The following CPNE6 variants were observed in gnomAD, a reference collection of about 807,000 sequenced individuals.
CPNE6 encodes the protein copine 6.
A neutral mutation model predicts 71.5 loss-of-function variants in CPNE6; 33 were observed. That is an observed-to-expected ratio of 0.46 (90% CI 0.35 to 0.62). The LOEUF (loss-of-function observed/expected upper bound fraction) is 0.62, where lower values mean the gene tolerates loss of function less well. Ranked by LOEUF, CPNE6 falls within the 20% of genes least tolerant of loss-of-function variation. The probability of loss-of-function intolerance (pLI) is 0.00; values close to 1 mark genes in which losing one functional copy is unlikely to be tolerated. For synonymous variants in CPNE6, 296 were observed against 293.0 expected (o/e 1.01, Z -0.10); for missense variants, 576 against 747.3 (o/e 0.77, Z 2.67).
intron 1 of CPNE6, chr14:24,071,045 A>G (rs948866985): frequency 2.0e-6 from 3 of 1,534,948 alleles, no homozygotes; most frequent in Non-Finnish European, 2.6e-6. Flanking sequence ...TTGAGTGAGT[A>G]CATGTGTGAC....
chr14:24,077,712 T>C lies in CPNE6; in HGVS notation c.1656T>C (p.Thr552=). The C allele has an allele frequency of 6.5e-7, 1 of 1,537,178 alleles. No individual in the cohort carries two copies. Among genetic ancestry groups the C allele is most frequent in the Non-Finnish European group, 8.7e-7 (1 of 1,143,438 alleles). The change falls in exon 17 of 18, where the codon ACT becomes ACC. Residue 552 remains threonine, a synonymous_variant. Transcript: ENST00000397016. The surrounding 1 kb of genome is among the most constrained non-coding windows in gnomAD (Gnocchi z 6.1). ...CCAGGCCCTGCACACTGGCTACGAC[T>C]CCCAGCCCTAGCCCGTGACTGCCTC... is the stretch of plus-strand genomic sequence containing the variant.
chr14:24,076,570 A>T lies in CPNE6; in HGVS notation c.1165+13A>T. The stretch of plus-strand genomic sequence containing the variant: ...CCTGAATGTGAAGGTAAAAGGGGAG[A>T]TTTTCACCTGCCCCGCCTCCCCGCA... On this transcript the variant is annotated intron_variant, in intron 14 of 17. Coordinates refer to ENST00000397016, the Ensembl canonical transcript of CPNE6. 6.2e-7 allele frequency: 1 copy of T among 1,613,748 alleles called. No individual in the cohort carries two copies. Among genetic ancestry groups the T allele is most frequent in the Non-Finnish European group, 8.5e-7 (1 of 1,179,950 alleles).
intron 1 of CPNE6, 61 bp from the exon 1 acceptor site, chr14:24,071,501 G>GGGGCCCCC: frequency 4.4e-5 from 62 of 1,416,650 alleles, no homozygotes; most frequent in Non-Finnish European, 5.4e-5. Context: ...CTGGTGCTGC[G>GGGGCCCCC]CCCCCCCCCA....
chr14:24,077,781 C>T lies in CPNE6; in HGVS notation c.*37+14C>T. The T allele has an allele frequency of 6.7e-7, 1 of 1,483,840 alleles. No individual in the cohort carries two copies. Among genetic ancestry groups the T allele is most frequent in the Admixed American group, 2.5e-5 (1 of 39,438 alleles). 91.9% of individuals were successfully genotyped at this position (1,483,840 alleles called of 1,614,324 possible). ...CTCAGCCTCTCAGTGAGTCCTGGGGCTTCCAAAGGAGTGGACACAGGGGGT... is the reference window on the plus strand; with the variant it reads ...CTCAGCCTCTCAGTGAGTCCTGGGGTTTCCAAAGGAGTGGACACAGGGGGT... On this transcript the variant is annotated intron_variant, in intron 17 of 17. Transcript: ENST00000397016. This position sits in a 1 kb window ranked among gnomAD's most constrained non-coding sequence, Gnocchi z 6.1.
chr14:24,075,678 C>A lies in CPNE6; in HGVS notation c.864+87C>A. The A allele has an allele frequency of 1.4e-6, 2 of 1,389,444 alleles. No homozygotes were observed. Among genetic ancestry groups the A allele is most frequent in the Non-Finnish European group, 2.0e-6 (2 of 995,746 alleles). 86.1% of individuals were successfully genotyped at this position (1,389,444 alleles called of 1,614,324 possible). ...TCAACCCTTCCCTTGTTTCAAAGAC[C>A]AGTTTCTCTGCTTCTGGGAACTGGA... is the stretch of plus-strand genomic sequence containing the variant. On this transcript the variant is annotated intron_variant, in intron 10 of 17. Coordinates refer to ENST00000397016, the Ensembl canonical transcript of CPNE6. The surrounding 1 kb of genome is among the most constrained non-coding windows in gnomAD (Gnocchi z 4.3).
rs780498623 is a variant in CPNE6, at chr14:24,073,993, A to G, written c.349-58A>G. On this transcript the variant is annotated intron_variant, in intron 4 of 17. Coordinates refer to ENST00000397016, the Ensembl canonical transcript of CPNE6. This position sits in a 1 kb window ranked among gnomAD's most constrained non-coding sequence, Gnocchi z 5.5. The stretch of plus-strand genomic sequence containing the variant: ...GAGCATTTATTATTCCATCCCTTGT[A>G]CGTGGCCAAGGCAGATGGGGATGTC... The G allele has an allele frequency of 1.7e-4, 246 of 1,427,612 alleles. No homozygotes were observed. The highest frequency in any genetic ancestry group is 2.3e-4 in the Non-Finnish European group (232 of 1,010,048). 88.4% of individuals were successfully genotyped at this position (1,427,612 alleles called of 1,614,324 possible). A position where few individuals can be genotyped will look rare whatever the true frequency, so the allele number is the denominator to read the frequency against.
rs2035981512 is a variant in CPNE6, at chr14:24,074,002, A to C, written c.349-49A>C. On this transcript the variant is annotated intron_variant, in intron 4 of 17. Coordinates refer to ENST00000397016, the Ensembl canonical transcript of CPNE6. This position sits in a 1 kb window ranked among gnomAD's most constrained non-coding sequence, Gnocchi z 4.5. ...TTATTCCATCCCTTGTACGTGGCCA[A>C]GGCAGATGGGGATGTCACAGCTGGG... 2 of 1,513,726 alleles carry C rather than the reference A, an allele frequency of 1.3e-6. No individual in the cohort carries two copies. The highest frequency in any genetic ancestry group is 1.8e-6 in the Non-Finnish European group (2 of 1,088,588). 93.8% of individuals were successfully genotyped at this position (1,513,726 alleles called of 1,614,324 possible). A position where few individuals can be genotyped will look rare whatever the true frequency, so the allele number is the denominator to read the frequency against.
At position 24,073,691 on chromosome 14, in the gene CPNE6, G is replaced by C; in HGVS notation, c.348+13G>C. ...CACCTTGGGCCAGGTCTGCATTCCCGGCCTCCCCGGCTACCCTACCCTACC... is the reference window on the plus strand; with the variant it reads ...CACCTTGGGCCAGGTCTGCATTCCCCGCCTCCCCGGCTACCCTACCCTACC... On this transcript the variant is annotated intron_variant, in intron 4 of 17. Transcript: ENST00000397016. The surrounding 1 kb of genome is among the most constrained non-coding windows in gnomAD (Gnocchi z 5.5). The C allele has an allele frequency of 6.2e-7, 1 of 1,605,990 alleles. No individual in the cohort carries two copies. Among genetic ancestry groups the C allele is most frequent in the South Asian group, 1.1e-5 (1 of 90,262 alleles).
At chr14:24,076,078 T>G (rs1480238906) in intron 11 of CPNE6, 71 bp from the exon 11 acceptor site, 1 of 1,586,356 alleles carries the variant, frequency 6.3e-7, no homozygotes, top group Non-Finnish European at 8.6e-7. Flanking sequence ...TCCCTACAGA[T>G]CCCAGCTCTG....
chr14:24,074,476 C>T lies in CPNE6; in HGVS notation c.499-55C>T. 2 of 1,593,024 alleles carry T rather than the reference C, an allele frequency of 1.3e-6. No individual in the cohort carries two copies. Among genetic ancestry groups the T allele is most frequent in the Admixed American group, 1.7e-5 (1 of 59,942 alleles). ...TCTCTTCCCAGTGGGAGCCCATCCC[C>T]CACCCTCCTTGCAGCTCTCACCAAC... On this transcript the variant is annotated intron_variant, in intron 6 of 17. Transcript: ENST00000397016. The surrounding 1 kb of genome is among the most constrained non-coding windows in gnomAD (Gnocchi z 4.5).
In CPNE6 at chr14:24,075,008, C is replaced by G. The variant is rs1177055123; in HGVS notation, c.673-164C>G. ...GTCCCTAGCAGACTGAGCCAAAGAACAAAGTTCAGCAGGTGGCCTCTCCGG... is the reference window on the plus strand; with the variant it reads ...GTCCCTAGCAGACTGAGCCAAAGAAGAAAGTTCAGCAGGTGGCCTCTCCGG... On this transcript the variant is annotated intron_variant, in intron 8 of 17. Transcript: ENST00000397016. This position sits in a 1 kb window ranked among gnomAD's most constrained non-coding sequence, Gnocchi z 4.3. Among the ~76,000 whole-genome samples the G allele has an allele frequency of 6.6e-6, 1 of 152,164 alleles. No individual in the cohort carries two copies. Among genetic ancestry groups the G allele is most frequent in the Non-Finnish European group, 1.5e-5 (1 of 68,042 alleles).
chr14:24,075,234 T>A lies in CPNE6; in HGVS notation c.735T>A (p.Thr245=). Residue 245 remains threonine, a synonymous_variant, in exon 9 of 18, where the codon ACT becomes ACA. Transcript: ENST00000397016. The surrounding 1 kb of genome is among the most constrained non-coding windows in gnomAD (Gnocchi z 4.3). The stretch of plus-strand genomic sequence containing the variant: ...ACTTCATCGGCGAGTTCACCAGCAC[T>A]TTCCAGGAGATGCAGGAAGGGACGG... 1 of 1,614,088 alleles carries A rather than the reference T, an allele frequency of 6.2e-7. No homozygotes were observed. The highest frequency in any genetic ancestry group is 1.3e-5 in the African/African-American group (1 of 74,992).
At position 24,077,452 on chromosome 14, in the gene CPNE6, A is replaced by T. The variant is rs1437580510; in HGVS notation, c.1536+62A>T. The T allele has an allele frequency of 6.3e-7, 1 of 1,579,086 alleles. No homozygotes were observed. The highest frequency in any genetic ancestry group is 1.4e-5 in the African/African-American group (1 of 74,030). On this transcript the variant is annotated intron_variant, in intron 16 of 17. Transcript: ENST00000397016. This position sits in a 1 kb window ranked among gnomAD's most constrained non-coding sequence, Gnocchi z 6.1. ...TCAGCTTCTCATCCCCCCAAATCTG[A>T]CCTTCGTCTTCCACCATTTGATGTC...
At chr14:24,076,695 G>A in intron 14 of CPNE6, 138 bp downstream of exon 13, 2 of 1,451,668 alleles carry the variant, frequency 1.4e-6, no homozygotes, top group Non-Finnish European at 1.9e-6. Context: ...AGGCTTCCAG[G>A]GCCGAGGCCC....
chr14:24,073,467 C>A lies in CPNE6; in HGVS notation c.169-32C>A. 2 of 1,601,074 alleles carry A rather than the reference C, an allele frequency of 1.2e-6. No homozygotes were observed. Among genetic ancestry groups the A allele is most frequent in the Non-Finnish European group, 1.7e-6 (2 of 1,172,984 alleles). On this transcript the variant is annotated intron_variant, in intron 3 of 17. Coordinates refer to ENST00000397016, the Ensembl canonical transcript of CPNE6. The surrounding 1 kb of genome is among the most constrained non-coding windows in gnomAD (Gnocchi z 5.5). Reference sequence around the variant, plus strand: ...GGGAAAAGTATCCTCGGTTCCCAGACAGCCCTCGCCTCCCTTCAACCACTA... The same window carrying A: ...GGGAAAAGTATCCTCGGTTCCCAGAAAGCCCTCGCCTCCCTTCAACCACTA...
rs765934926 is a variant in CPNE6, at chr14:24,077,761, C to A, written c.*31C>A. ...TCCCTCCGGACCGACACTCCCTCAG[C>A]CTCTCAGTGAGTCCTGGGGCTTCCA... is the stretch of plus-strand genomic sequence containing the variant. On this transcript the variant is annotated 3_prime_UTR_variant, in exon 17 of 18. Coordinates refer to ENST00000397016, the Ensembl canonical transcript of CPNE6. This position sits in a 1 kb window ranked among gnomAD's most constrained non-coding sequence, Gnocchi z 6.1. 8 of 1,507,880 alleles carry A rather than the reference C, an allele frequency of 5.3e-6. No individual in the cohort carries two copies. The highest frequency in any genetic ancestry group is 1.8e-4 in the Middle Eastern group (1 of 5,522). The allele number at this position is 1,507,880 out of a possible 1,614,324, so 93.4% of individuals were successfully genotyped here.
chr14:24,071,501 G>GGGGGGC, intron 1 of CPNE6, 61 bp from the exon 1 acceptor site: 12 of 1,416,640 alleles, frequency 8.5e-6, no homozygotes, highest in East Asian at 2.7e-5. Flanking sequence ...CTGGTGCTGC[G>GGGGGGC]CCCCCCCCCA....
rs2036122106 is a variant in CPNE6, at chr14:24,077,398, C to A, written c.1536+8C>A. ...TTCCGAGACTTCAAGGATGTGAGTC[C>A]CCCGGGCCCCTTCCGGCTGAAGGAC... On this transcript the variant is annotated splice_region_variant and intron_variant, in intron 16 of 17. Coordinates refer to ENST00000397016, the Ensembl canonical transcript of CPNE6. The surrounding 1 kb of genome is among the most constrained non-coding windows in gnomAD (Gnocchi z 6.1). The A allele has an allele frequency of 1.2e-6, 2 of 1,611,962 alleles. No individual in the cohort carries two copies. The highest frequency in any genetic ancestry group is 2.2e-5 in the South Asian group (2 of 91,016).
Position 24,074,428 on chromosome 14 carries a change from A to T in CPNE6, c.498+63A>T. Reference sequence around the variant, plus strand: ...CACTCCTAGGCCTCCCACTCAAGACAGATCCCAGGAGCCCAGGCCTGCTCT... The same window carrying T: ...CACTCCTAGGCCTCCCACTCAAGACTGATCCCAGGAGCCCAGGCCTGCTCT... On this transcript the variant is annotated intron_variant, in intron 6 of 17. Coordinates refer to ENST00000397016, the Ensembl canonical transcript of CPNE6. The surrounding 1 kb of genome is among the most constrained non-coding windows in gnomAD (Gnocchi z 4.5). 6.4e-7 allele frequency: 1 copy of T among 1,564,188 alleles called. No individual in the cohort carries two copies. The highest frequency in any genetic ancestry group is 8.7e-7 in the Non-Finnish European group (1 of 1,148,238).
Sources: gnomAD v4.1 joint callset for allele counts (sites outside exome capture counted in the v4.1 genomes callset) on GRCh38, gnomAD v4.1.1 for gene constraint, Gnocchi (gnomAD v3.1) non-coding constraint, MANE v1.5 for transcripts, NCBI Gene and HGNC (gene_info 2026-07-23, HGNC 2026-07-21) for gene names.